XYLB: variants seen among roughly 807,000 people sequenced by gnomAD.
XYLB encodes the protein xylulose kinase.
XYLB carries 62 observed loss-of-function variants against 78.7 expected under a neutral mutation model. The observed-to-expected ratio is 0.79, with a 90% CI of 0.64 to 0.97. XYLB has a LOEUF of 0.97. Among genes scored for constraint, XYLB ranks in the 50% least tolerant of loss-of-function variants. XYLB has a pLI of 0.00. For synonymous variants in XYLB, 245 were observed against 247.4 expected, an observed-to-expected ratio of 0.99 and a Z score of 0.09; for missense variants, 687 against 676.8, an observed-to-expected ratio of 1.02 and a Z score of -0.17.
At chr3:38,360,304 G>A in intron 2 of XYLB, 35 bp from the exon 3 acceptor site, 3 of 1,599,428 alleles carry the variant, frequency 1.9e-6, no homozygotes, top group Non-Finnish European at 2.6e-6. Flanking sequence ...TGCCTGCCCT[G>A]AGGCTCTGGT....
intron 15 of XYLB, among the ~76,000 whole-genome samples, chr3:38,387,867 T>G (rs1707454723): frequency 6.6e-6 from 1 of 152,224 alleles, no homozygotes; most frequent in African/African-American, 2.4e-5. Context: ...CATCTCTTCC[T>G]CTGACTTTAT....
chr3:38,382,271 A>G (rs557829023), intron 15 of XYLB, among the ~76,000 whole-genome samples: 2 of 152,188 alleles, frequency 1.3e-5, no homozygotes, highest in South Asian at 2.1e-4. Context: ...GCTTAAGCCT[A>G]GGAGGTTGAG....
rs1198043068 is a variant in XYLB, at chr3:38,362,943, G to C, written c.217G>C (p.Asp73His). The C allele has an allele frequency of 1.9e-6, 3 of 1,577,992 alleles. 1 individual carries two copies. Among genetic ancestry groups the C allele is most frequent in the East Asian group, 4.7e-5 (2 of 42,656 alleles). Reference sequence around the variant, plus strand: ...GTTCTGTTTTTCTTCTTAGGCACTGGATATCATCTTGGAGAAGATGAAGGC... The same window carrying C: ...GTTCTGTTTTTCTTCTTAGGCACTGCATATCATCTTGGAGAAGATGAAGGC... Reference protein sequence around the residue: ...SPVLMWVQALDIILEKMKASG... With the variant: ...SPVLMWVQALHIILEKMKASG... Residue 73 changes from aspartate (D) to histidine (H), a missense_variant, in exon 4 of 19, where the codon GAT becomes CAT. Asp to His is a moderately conservative substitution (Grantham distance 81). Transcript: ENST00000207870.
intron 15 of XYLB, among the ~76,000 whole-genome samples, chr3:38,380,413 G>A (rs554718288): frequency 2.5e-4 from 38 of 152,210 alleles, no homozygotes; most frequent in South Asian, 1.2e-3. Flanking sequence ...TGGACTGGCC[G>A]CCTATAGAGT....
intron 18 of XYLB, among the ~76,000 whole-genome samples, chr3:38,408,663 A>G (rs1708437846): frequency 6.7e-6 from 1 of 149,038 alleles, no homozygotes; most frequent in South Asian, 2.2e-4. Context: ...AAGAAAAGAG[A>G]GAAGAATCAA....
At chr3:38,383,153 T>C (rs1021625611) in intron 15 of XYLB, among the ~76,000 whole-genome samples, 1 of 152,220 alleles carries the variant, frequency 6.6e-6, no homozygotes, top group Non-Finnish European at 1.5e-5. Context: ...AATTAATCTT[T>C]ATTAACAACA....
Position 38,376,871 on chromosome 3 carries a change from T to C in XYLB, c.1121-47T>C, listed in dbSNP as rs201181596. On this transcript the variant is annotated intron_variant, in intron 13 of 18. Coordinates refer to ENST00000207870, the MANE Select transcript of XYLB (RefSeq NM_005108.4). ...CTAAGTCTGTTAAGAAGCTGATCTT[T>C]TGTTTTTTGACTAATGACGGCTGAT... 2.6e-6 allele frequency: 4 copies of C among 1,552,716 alleles called. No homozygotes were observed. In the African/African-American group the frequency reaches 4.1e-5, roughly 16 times the overall value.
chr3:38,354,045 A>G (rs946926207), intron 2 of XYLB, among the ~76,000 whole-genome samples: 67 of 151,968 alleles, frequency 4.4e-4, no homozygotes, highest in African/African-American at 1.5e-3. Flanking sequence ...CATTGTTTCA[A>G]TTATCCCAGC....
At chr3:38,404,205 G>A (rs979058626) in intron 18 of XYLB, among the ~76,000 whole-genome samples, 6 of 152,246 alleles carry the variant, frequency 3.9e-5, no homozygotes, top group East Asian at 1.9e-4. Flanking sequence ...TAGGCCCCTC[G>A]CCTGTGGGCC....
chr3:38,393,945 A>G (rs1707770813), intron 15 of XYLB, among the ~76,000 whole-genome samples: 1 of 152,214 alleles, frequency 6.6e-6, no homozygotes, highest in Non-Finnish European at 1.5e-5. Flanking sequence ...ATGTTTTAAT[A>G]TGTAGTATAG....
chr3:38,424,194 A>G (rs1368154994), downstream of XYLB, among the ~76,000 whole-genome samples: 1 of 152,194 alleles, frequency 6.6e-6, no homozygotes, highest in Non-Finnish European at 1.5e-5. Flanking sequence ...CCAACTCAGC[A>G]TTCACCTACT....
chr3:38,370,166 T>TCAGTTGTG lies in XYLB; in HGVS notation c.758_765dup (p.Gly256GlnfsTer36). 6.2e-7 allele frequency: 1 copy of TCAGTTGTG among 1,613,790 alleles called. No homozygotes were observed. The highest frequency in any genetic ancestry group is 1.1e-5 in the South Asian group (1 of 91,064). On this transcript the variant is annotated frameshift_variant, in exon 9 of 19. Coordinates refer to ENST00000207870, the MANE Select transcript of XYLB (RefSeq NM_005108.4). LOFTEE classifies it high-confidence loss of function. ...GCTTAGCCCACCAGTACCATCATGC[T>TCAGTTGTG]CAGTTGTGGTAGGTCTCCTTTCTGG...
chr3:38,366,071 C>G (rs1241312693), intron 6 of XYLB, among the ~76,000 whole-genome samples: 2 of 145,192 alleles, frequency 1.4e-5, no homozygotes, highest in Non-Finnish European at 3.0e-5. Context: ...TGAAAGAAGT[C>G]AGTGCATGTA....
intron 3 of XYLB, among the ~76,000 whole-genome samples, chr3:38,361,560 T>C (rs1705973418): frequency 8.6e-5 from 13 of 151,562 alleles, no homozygotes; most frequent in Admixed American, 8.5e-4. Flanking sequence ...AGGGGCAGAG[T>C]GGGAGGGTCG....
chr3:38,370,267 C>CACACACACACAT (rs71085317), intron 9 of XYLB, 93 bp downstream of exon 9: 1 of 878,722 alleles, frequency 1.1e-6, no homozygotes. Flanking sequence ...CACACACACA[C>CACACACACACAT]TCTGCACACA....
At chr3:38,351,973 A>G (rs1705389203) in intron 2 of XYLB, among the ~76,000 whole-genome samples, 1 of 152,230 alleles carries the variant, frequency 6.6e-6, no homozygotes, top group South Asian at 2.1e-4. Context: ...GCAAAGGGCT[A>G]TGAGAGTCAC....
the XYLB span, among the ~76,000 whole-genome samples, chr3:38,444,768 C>A: frequency 6.6e-6 from 1 of 152,106 alleles, no homozygotes; most frequent in Non-Finnish European, 1.5e-5. Flanking sequence ...AAGAAAAAAC[C>A]GCCCATGGTT....
At chr3:38,392,795 A>G (rs1707723188) in intron 15 of XYLB, among the ~76,000 whole-genome samples, 1 of 152,016 alleles carries the variant, frequency 6.6e-6, no homozygotes, top group Non-Finnish European at 1.5e-5. Flanking sequence ...TTGCTTATTT[A>G]TAGTGTCAGC....
In XYLB at chr3:38,379,312, A is replaced by T; in HGVS notation, c.1261A>T (p.Ile421Phe). 6.2e-7 allele frequency: 1 copy of T among 1,614,076 alleles called. No homozygotes were observed. Among genetic ancestry groups the T allele is most frequent in the East Asian group, 2.2e-5 (1 of 44,860 alleles). ...LIEGQFMAKR[I>F]HAEGLGYRVM... is the part of the protein sequence containing the mutation. ...TGAAGGACAATTCATGGCCAAGAGG[A>T]TTCACGCAGAAGGCCTGGGCTATCG... Residue 421 changes from isoleucine to phenylalanine, a missense_variant, in exon 15 of 19, where the codon ATT becomes TTT. By Grantham distance (21) the Ile-to-Phe change is conservative. Transcript: ENST00000207870.
Sources: gnomAD v4.1 joint callset for allele counts (sites outside exome capture counted in the v4.1 genomes callset) on GRCh38, gnomAD v4.1.1 for gene constraint, MANE v1.5 for transcripts, NCBI Gene and HGNC (gene_info 2026-07-23, HGNC 2026-07-21) for gene names.